The following RIT2 variants were observed in gnomAD, a reference collection of about 807,000 sequenced individuals.
RIT2 encodes the protein GTP-binding protein Rit2.
Under a neutral mutation model 23.7 loss-of-function variants are expected in RIT2, and 24 were observed. That is an observed-to-expected ratio of 1.01 (90% CI 0.73 to 1.43). The LOEUF is 1.43. RIT2 is among the 40% of genes most tolerant of loss of function. RIT2 has a pLI of 0.00. For synonymous variants in RIT2, 107 were observed against 91.1 expected, an observed-to-expected ratio of 1.17 and a Z score of -0.99; for missense variants, 236 against 266.9, an observed-to-expected ratio of 0.88 and a Z score of 0.81.
chr18:42,816,721 T>A (rs1460979030), intron 4 of RIT2, among the ~76,000 whole-genome samples: 1 of 152,182 alleles, frequency 6.6e-6, no homozygotes, highest in Non-Finnish European at 1.5e-5. Context: ...CTACATCTGA[T>A]AATTAGTTTT....
At chr18:42,990,657 C>T (rs1305832016) in intron 2 of RIT2, among the ~76,000 whole-genome samples, 10 of 152,198 alleles carry the variant, frequency 6.6e-5, no homozygotes, top group African/African-American at 2.4e-4. Context: ...AGCATTCTGA[C>T]AGGTACATAA....
chr18:43,106,489 C>T (rs866950760), intron 1 of RIT2, among the ~76,000 whole-genome samples: 20 of 151,878 alleles, frequency 1.3e-4, no homozygotes, highest in African/African-American at 3.4e-4. Context: ...AATCTTTATT[C>T]GGCGTTCCAT....
chr18:42,870,859 T>C (rs944156540), intron 4 of RIT2, among the ~76,000 whole-genome samples: 1 of 152,226 alleles, frequency 6.6e-6, no homozygotes, highest in Non-Finnish European at 1.5e-5. Context: ...TTTGTCAATA[T>C]ACCTTTCAAT....
intron 3 of RIT2, among the ~76,000 whole-genome samples, chr18:42,965,956 G>A (rs546461445): frequency 6.6e-5 from 10 of 151,984 alleles, no homozygotes; most frequent in Middle Eastern, 3.4e-3. Flanking sequence ...TTTCAGAAAT[G>A]ATTCATGAGC....
chr18:42,981,584 C>T (rs1344402375), intron 2 of RIT2, among the ~76,000 whole-genome samples: 1 of 151,516 alleles, frequency 6.6e-6, no homozygotes, highest in Admixed American at 6.6e-5. Context: ...ATCATCATCC[C>T]AAAAGACACA....
At chr18:42,998,390 T>G (rs1216240449) in intron 2 of RIT2, among the ~76,000 whole-genome samples, 1 of 152,240 alleles carries the variant, frequency 6.6e-6, no homozygotes, top group Admixed American at 6.5e-5. Context: ...CCATTTTAGT[T>G]TTGGCTATTC....
chr18:43,070,090 G>A (rs912536601), intron 1 of RIT2, among the ~76,000 whole-genome samples: 6 of 152,162 alleles, frequency 3.9e-5, no homozygotes, highest in Middle Eastern at 3.2e-3. Flanking sequence ...AGCAAGGAAA[G>A]TATGTTTATG....
chr18:42,895,802 A>G (rs906065603), intron 4 of RIT2, among the ~76,000 whole-genome samples: 1 of 152,228 alleles, frequency 6.6e-6, no homozygotes, highest in Non-Finnish European at 1.5e-5. Flanking sequence ...GTCACAATGC[A>G]GAGTGGAAGG....
intron 4 of RIT2, among the ~76,000 whole-genome samples, chr18:42,901,928 T>C (rs1403471418): frequency 2.6e-5 from 4 of 151,960 alleles, no homozygotes; most frequent in African/African-American, 9.7e-5. Flanking sequence ...TCATATACTT[T>C]AACCAAAACA....
At chr18:43,090,958 C>A (rs546426374) in intron 1 of RIT2, among the ~76,000 whole-genome samples, 1 of 151,826 alleles carries the variant, frequency 6.6e-6, no homozygotes, top group Non-Finnish European at 1.5e-5. Context: ...ATAATCTGTA[C>A]AGCAAACCCC....
intron 2 of RIT2, among the ~76,000 whole-genome samples, chr18:42,994,334 C>T (rs1910927110): frequency 1.3e-5 from 2 of 152,268 alleles, no homozygotes; most frequent in South Asian, 2.1e-4. Context: ...TAAAAACACA[C>T]ATGCTCTCCC....
At chr18:42,757,744 C>T (rs1438330224) in intron 4 of RIT2, among the ~76,000 whole-genome samples, 5 of 152,116 alleles carry the variant, frequency 3.3e-5, no homozygotes, top group East Asian at 3.9e-4. Flanking sequence ...TCCTATTTCT[C>T]GTTTAGTTCT....
chr18:42,804,561 T>TAAAAAAAAAAAAAAAAA (rs564202513), intron 4 of RIT2, among the ~76,000 whole-genome samples: 5 of 52,836 alleles, frequency 9.5e-5, no homozygotes, highest in Non-Finnish European at 1.5e-4. Flanking sequence ...GCCTCAAAAC[T>TAAAAAAAAAAAAAAAAA]AAAAAAAAAA....
intron 3 of RIT2, among the ~76,000 whole-genome samples, chr18:42,938,961 G>T (rs963423527): frequency 3.3e-5 from 5 of 152,026 alleles, no homozygotes; most frequent in African/African-American, 1.2e-4. Context: ...ACCCAAGCTG[G>T]TCTCAAACTC....
intron 1 of RIT2, among the ~76,000 whole-genome samples, chr18:43,039,925 C>G (rs1912088400): frequency 6.6e-6 from 1 of 152,122 alleles, no homozygotes; most frequent in African/African-American, 2.4e-5. Context: ...CAAATATGAA[C>G]TAAACACAAT....
intron 1 of RIT2, among the ~76,000 whole-genome samples, chr18:43,041,061 T>C (rs966299778): frequency 1.3e-5 from 2 of 152,136 alleles, no homozygotes; most frequent in Admixed American, 1.3e-4. Flanking sequence ...ATTATCTAGA[T>C]AGGAGTACAT....
intron 2 of RIT2, among the ~76,000 whole-genome samples, chr18:42,976,017 G>T (rs985055367): frequency 1.3e-5 from 2 of 151,988 alleles, no homozygotes; most frequent in Admixed American, 1.3e-4. Context: ...TTTCCCTTGA[G>T]ATTTCTTCTT....
At chr18:43,106,046 C>G (rs1465755631) in intron 1 of RIT2, among the ~76,000 whole-genome samples, 2 of 152,174 alleles carry the variant, frequency 1.3e-5, no homozygotes. Flanking sequence ...AATTACTCAC[C>G]ATCTTCAAGC....
intron 2 of RIT2, among the ~76,000 whole-genome samples, chr18:43,000,408 C>T (rs1911076673): frequency 6.6e-6 from 1 of 152,002 alleles, no homozygotes; most frequent in African/African-American, 2.4e-5. Flanking sequence ...GCAATAGGAC[C>T]AGACTCAAGG....
Sources: allele counts gnomAD v4.1 joint callset (sites outside exome capture counted in the v4.1 genomes callset), GRCh38; gene constraint gnomAD v4.1.1; transcripts MANE v1.5; gene names NCBI Gene and HGNC (gene_info 2026-07-23, HGNC 2026-07-21).